TENM3: variants seen among roughly 807,000 people sequenced by gnomAD.
TENM3 encodes the protein teneurin-3.
In TENM3, 63 loss-of-function variants were observed where a neutral mutation model predicts 255.1. The ratio of observed to expected loss-of-function variants is 0.25; its 90% CI spans 0.20 to 0.30. The LOEUF (loss-of-function observed/expected upper bound fraction) is 0.30. Among genes scored for constraint, TENM3 ranks in the 10% least tolerant of loss-of-function variants. The probability of loss-of-function intolerance (pLI) is 1.00; values close to 1 mark genes in which losing one functional copy is unlikely to be tolerated. For synonymous variants in TENM3, 1,306 were observed against 1,322.3 expected (o/e 0.99, Z 0.27); for missense variants, 2,929 against 3,461.1 (o/e 0.85, Z 3.86).
intron 11 of TENM3, among the ~76,000 whole-genome samples, chr4:182,686,428 T>C (rs1193405208): frequency 6.6e-6 from 1 of 152,066 alleles, no homozygotes; most frequent in Admixed American, 6.6e-5. Flanking sequence ...GGCTTAAAGT[T>C]TACAAGCAGT....
At chr4:182,485,536 C>T (rs192111786) in intron 3 of TENM3, among the ~76,000 whole-genome samples, 2 of 152,202 alleles carry the variant, frequency 1.3e-5, no homozygotes, top group Admixed American at 1.3e-4. Flanking sequence ...TATATGCATA[C>T]ATACAGTATG....
chr4:182,748,404 G>A (rs879781312), intron 19 of TENM3, among the ~76,000 whole-genome samples: 2 of 152,060 alleles, frequency 1.3e-5, no homozygotes, highest in Non-Finnish European at 1.5e-5. Flanking sequence ...GTAGCCTCAC[G>A]TTTTCACAGT....
At chr4:182,059,204 T>C in the TENM3 span, among the ~76,000 whole-genome samples, 1 of 152,156 alleles carries the variant, frequency 6.6e-6, no homozygotes. Context: ...AGATACAACT[T>C]TAACCTTCAG....
At chr4:182,435,985 C>T (rs572140864) in intron 3 of TENM3, among the ~76,000 whole-genome samples, 1 of 151,720 alleles carries the variant, frequency 6.6e-6, no homozygotes, top group South Asian at 2.1e-4. Flanking sequence ...TAACTCTAGG[C>T]ACAGGAAAAA....
the TENM3 span, among the ~76,000 whole-genome samples, chr4:182,060,852 T>C: frequency 5.9e-5 from 9 of 152,192 alleles, no homozygotes; most frequent in Admixed American, 5.9e-4. Flanking sequence ...TGAAATATTA[T>C]AAAAACTAGG....
At chr4:182,072,745 G>A in the TENM3 span, among the ~76,000 whole-genome samples, 1 of 152,108 alleles carries the variant, frequency 6.6e-6, no homozygotes, top group Non-Finnish European at 1.5e-5. Flanking sequence ...CAATGGCCTG[G>A]GAACTTGATG....
the TENM3 span, among the ~76,000 whole-genome samples, chr4:181,450,385 C>T: frequency 1.3e-5 from 2 of 152,168 alleles, no homozygotes; most frequent in East Asian, 1.9e-4. Context: ...CAAACACTTT[C>T]AGTGTAGTTT....
the TENM3 span, among the ~76,000 whole-genome samples, chr4:182,075,050 G>C: frequency 6.6e-6 from 1 of 152,112 alleles, no homozygotes; most frequent in Non-Finnish European, 1.5e-5. Flanking sequence ...GCCTGATGGG[G>C]CCAACTCCAC....
the TENM3 span, among the ~76,000 whole-genome samples, chr4:182,011,224 T>C: frequency 6.6e-6 from 1 of 152,218 alleles, no homozygotes; most frequent in African/African-American, 2.4e-5. Flanking sequence ...GAACTCATTA[T>C]ATTTCTACTT....
intron 22 of TENM3, among the ~76,000 whole-genome samples, chr4:182,764,448 A>G (rs549752493): frequency 8.4e-4 from 128 of 152,332 alleles, no homozygotes; most frequent in Non-Finnish European, 1.6e-3. Flanking sequence ...TAGTTGTTCG[A>G]CAGGCCGTGG....
At chr4:181,906,569 G>C in the TENM3 span, 2 of 152,264 alleles carry the variant, frequency 1.3e-5, no homozygotes, top group African/African-American at 4.8e-5. Flanking sequence ...TAAGAAGTAA[G>C]TGACGAATCA....
chr4:182,061,789 T>A, the TENM3 span, among the ~76,000 whole-genome samples: 1 of 151,814 alleles, frequency 6.6e-6, no homozygotes, highest in Non-Finnish European at 1.5e-5. Context: ...GGAGACACCA[T>A]CTCTACAAAA....
At chr4:181,462,609 G>A in the TENM3 span, among the ~76,000 whole-genome samples, 15 of 152,094 alleles carry the variant, frequency 9.9e-5, no homozygotes, top group African/African-American at 3.6e-4. Flanking sequence ...GATATATCTG[G>A]TCCATGTTAC....
chr4:182,717,488 G>A (rs770792300), intron 13 of TENM3, among the ~76,000 whole-genome samples: 7 of 152,130 alleles, frequency 4.6e-5, no homozygotes, highest in Non-Finnish European at 1.0e-4. Flanking sequence ...CCCTGACAAA[G>A]GTCTCCACTC....
At chr4:182,429,825 G>C (rs907905219) in intron 3 of TENM3, among the ~76,000 whole-genome samples, 4 of 152,190 alleles carry the variant, frequency 2.6e-5, no homozygotes, top group African/African-American at 9.7e-5. Context: ...TAGGAACACT[G>C]CCTTTGAGAT....
chr4:182,775,226 C>T (rs966054253), intron 24 of TENM3, 73 bp downstream of exon 24: 85 of 1,358,378 alleles, frequency 6.3e-5, no homozygotes, highest in African/African-American at 1.3e-4. Context: ...GGGCAGGTTG[C>T]GTCTCCTGCT....
At chr4:181,936,761 C>T in the TENM3 span, among the ~76,000 whole-genome samples, 1 of 151,680 alleles carries the variant, frequency 6.6e-6, no homozygotes, top group South Asian at 2.1e-4. Context: ...ACAGGAAAGA[C>T]CTCCCTGAGG....
the TENM3 span, among the ~76,000 whole-genome samples, chr4:181,985,039 A>G: frequency 0.16 from 24,710 of 151,962 alleles, 2,357 homozygotes; most frequent in Admixed American, 0.29. Context: ...AATCTTTAAG[A>G]AAAGAAAAAT....
intron 3 of TENM3, among the ~76,000 whole-genome samples, chr4:182,358,332 G>T (rs1221909184): frequency 1.4e-5 from 2 of 145,700 alleles, no homozygotes; most frequent in African/African-American, 5.1e-5. Flanking sequence ...TCACGATATT[G>T]ATTCTTCCTA....
Sources: gnomAD v4.1 joint callset for allele counts (sites outside exome capture counted in the v4.1 genomes callset) on GRCh38, gnomAD v4.1.1 for gene constraint, MANE v1.5 for transcripts, NCBI Gene and HGNC (gene_info 2026-07-23, HGNC 2026-07-21) for gene names.